Variants in NBAS observed in about 807,000 individuals in gnomAD.
The protein encoded by NBAS is NAG/BC035112 fusion.
In NBAS, 219 loss-of-function variants were observed where a neutral mutation model predicts 302.5. That is an observed-to-expected ratio of 0.72 (90% CI 0.65 to 0.81). The LOEUF (loss-of-function observed/expected upper bound fraction) is 0.81, where lower values mean the gene tolerates loss of function less well. NBAS is among the 30% of genes least tolerant of loss of function. The pLI, the probability that NBAS is intolerant of heterozygous loss-of-function variation, is 0.00. For synonymous variants in NBAS, 1,118 were observed against 1,021.6 expected (o/e 1.09, Z -1.80); for missense variants, 2,932 against 2,841.6 (o/e 1.03, Z -0.72).
intron 35 of NBAS, among the ~76,000 whole-genome samples, chr2:15,344,929 G>C (rs1317732755): frequency 6.6e-6 from 1 of 152,092 alleles, no homozygotes; most frequent in Non-Finnish European, 1.5e-5. Context: ...TATCTCAACA[G>C]ATGCAGAAAA....
intron 9 of NBAS, among the ~76,000 whole-genome samples, chr2:15,529,126 A>C (rs921731284): frequency 6.6e-6 from 1 of 152,052 alleles, no homozygotes; most frequent in Non-Finnish European, 1.5e-5. Flanking sequence ...GTAACTGAAC[A>C]CATACGCTTT....
intron 30 of NBAS, among the ~76,000 whole-genome samples, chr2:15,376,463 TG>T (rs1336186561): frequency 5.3e-5 from 8 of 152,194 alleles, no homozygotes; most frequent in African/African-American, 1.9e-4. Context: ...AAAGACTATT[TG>T]GTATTTTCAT....
intron 21 of NBAS, among the ~76,000 whole-genome samples, chr2:15,433,491 A>G (rs556708036): frequency 6.6e-6 from 1 of 152,334 alleles, no homozygotes; most frequent in South Asian, 2.1e-4. Flanking sequence ...TATGATAAAC[A>G]ATAGCATCAT....
chr2:15,328,296 C>T lies in NBAS; in HGVS notation c.4364G>A (p.Gly1455Asp). The T allele has an allele frequency of 6.2e-7, 1 of 1,613,552 alleles. No homozygotes were observed. The highest frequency in any genetic ancestry group is 8.5e-7 in the Non-Finnish European group (1 of 1,179,814). ...GGCTGTAGTTCCGATTTGATATGCA[C>T]CACCACATTTTTGCCCCTAAAAAGA... ...LRPLQGQKCG[G>D]AYQIGTTANE... The change falls in exon 37 of 52, where the codon GGT becomes GAT. Residue 1455 changes from glycine (G) to aspartate (D), a missense_variant. Transcript: ENST00000281513.
chr2:15,528,879 AT>A (rs34923192), intron 9 of NBAS, among the ~76,000 whole-genome samples: 9,318 of 111,384 alleles, frequency 0.084, 485 homozygotes, highest in African/African-American at 0.16. Flanking sequence ...AAAAAAAAAA[AT>A]ATATATATAT....
intron 21 of NBAS, 60 bp from the exon 22 acceptor site, chr2:15,427,854 C>T (rs1249923990): frequency 7.6e-7 from 1 of 1,313,304 alleles, no homozygotes; most frequent in African/African-American, 1.5e-5. Context: ...CTTAGCCACA[C>T]AAGGAGTAAA....
chr2:14,837,244 A>G, the NBAS span, among the ~76,000 whole-genome samples: 4 of 151,900 alleles, frequency 2.6e-5, no homozygotes, highest in African/African-American at 9.7e-5. Context: ...CAAATGGAAA[A>G]TCTTTGTAGT....
chr2:15,437,512 G>T (rs566521092), intron 21 of NBAS, among the ~76,000 whole-genome samples: 13 of 152,312 alleles, frequency 8.5e-5, no homozygotes, highest in African/African-American at 3.1e-4. Flanking sequence ...CCCTGGAAAT[G>T]AAGAGGGAGT....
At chr2:15,183,989 A>G (rs1664952596) in intron 50 of NBAS, among the ~76,000 whole-genome samples, 1 of 152,232 alleles carries the variant, frequency 6.6e-6, no homozygotes, top group African/African-American at 2.4e-5. Flanking sequence ...CTTACTAGGA[A>G]GCTGAATCAT....
the NBAS span, among the ~76,000 whole-genome samples, chr2:15,105,246 C>T: frequency 3.3e-5 from 5 of 151,818 alleles, no homozygotes; most frequent in South Asian, 2.1e-4. Flanking sequence ...TATCAAACAC[C>T]GGGGCCTGTC....
At chr2:15,427,884 A>G in intron 21 of NBAS, 90 bp from the exon 22 acceptor site, 1 of 906,494 alleles carries the variant, frequency 1.1e-6, no homozygotes, top group Non-Finnish European at 1.8e-6. Context: ...GCATCTCTAT[A>G]ACATTAATAT....
At chr2:15,379,357 T>C (rs1674914546) in intron 30 of NBAS, among the ~76,000 whole-genome samples, 1 of 120,378 alleles carries the variant, frequency 8.3e-6, no homozygotes, top group Non-Finnish European at 1.9e-5. Flanking sequence ...AGAAGAGAAA[T>C]ACACAGCCTT....
chr2:15,538,257 T>G, intron 7 of NBAS: 1 of 351,292 alleles, frequency 2.8e-6, no homozygotes, highest in Non-Finnish European at 5.7e-6. Context: ...ATACAGCTCA[T>G]ATTGTATTTC....
chr2:15,393,761 G>A (rs533898086), intron 28 of NBAS: 4 of 468,760 alleles, frequency 8.5e-6, no homozygotes, highest in South Asian at 3.1e-5. Flanking sequence ...ATACCATTCC[G>A]CAAACAAAAA....
the NBAS span, among the ~76,000 whole-genome samples, chr2:15,159,616 G>A: frequency 6.6e-6 from 1 of 151,676 alleles, no homozygotes; most frequent in Non-Finnish European, 1.5e-5. Flanking sequence ...GGGCTGGGGG[G>A]AGGAAAGAAT....
At chr2:15,257,437 C>T (rs1447067547) in intron 44 of NBAS, among the ~76,000 whole-genome samples, 3 of 149,004 alleles carry the variant, frequency 2.0e-5, no homozygotes, top group African/African-American at 7.4e-5. Flanking sequence ...CTGTCACTCA[C>T]CCTGGAGTGC....
At chr2:15,372,254 AAG>A (rs1210426692) in intron 31 of NBAS, among the ~76,000 whole-genome samples, 2 of 152,186 alleles carry the variant, frequency 1.3e-5, no homozygotes, top group Admixed American at 1.3e-4. Flanking sequence ...ATAAAGAGAA[AAG>A]CATATACATA....
At chr2:15,148,696 A>T in the NBAS span, among the ~76,000 whole-genome samples, 23 of 152,354 alleles carry the variant, frequency 1.5e-4, no homozygotes, top group African/African-American at 3.6e-4. Flanking sequence ...TAATTTTTTT[A>T]AAAAATTGAG....
At chr2:14,800,366 T>G in the NBAS span, among the ~76,000 whole-genome samples, 10 of 152,314 alleles carry the variant, frequency 6.6e-5, no homozygotes, top group Admixed American at 1.3e-4. Flanking sequence ...CCTGCTGCCA[T>G]CCACTCAAGA....
Sources: allele counts gnomAD v4.1 joint callset (sites outside exome capture counted in the v4.1 genomes callset), GRCh38; gene constraint gnomAD v4.1.1; transcripts MANE v1.5; gene names NCBI Gene and HGNC (gene_info 2026-07-23, HGNC 2026-07-21).